Variants in VCPIP1 observed in about 807,000 individuals in gnomAD.
VCPIP1 encodes deubiquitinating protein VCPIP1.
Under a neutral mutation model 85.0 loss-of-function variants are expected in VCPIP1, and 8 were observed. That is an observed-to-expected ratio of 0.09 (90% CI 0.06 to 0.17). The LOEUF (loss-of-function observed/expected upper bound fraction) is 0.17. VCPIP1 is among the 10% of genes least tolerant of loss of function. VCPIP1 has a pLI of 1.00. For synonymous variants in VCPIP1, 543 were observed against 544.5 expected (o/e 1.00, Z 0.04); for missense variants, 1,070 against 1,486.3 (o/e 0.72, Z 4.61).
intron 2 of VCPIP1, among the ~76,000 whole-genome samples, chr8:66,635,732 T>C (rs1810878649): frequency 6.6e-6 from 1 of 150,656 alleles, no homozygotes; most frequent in Admixed American, 6.6e-5. Context: ...GCCAACGTGG[T>C]GAAACCCCAA....
Position 66,628,944 on chromosome 8 carries a change from TCA to T in VCPIP1, c.*5555_*5556del, listed in dbSNP as rs1810806732. On this transcript the variant is annotated 3_prime_UTR_variant, in exon 3 of 3. Coordinates refer to ENST00000310421, the MANE Select transcript of VCPIP1 (RefSeq NM_025054.5). ...AGAGCACACTGTCGGTTTGAGATTC[TCA>T]GTGTTGCACATGGTCATAAATGTTT... 6.6e-6 allele frequency: 1 copy of T among 152,228 alleles called. No individual in the cohort carries two copies. Among genetic ancestry groups the T allele is most frequent in the South Asian group, 2.1e-4 (1 of 4,834 alleles). 9.4% of individuals were successfully genotyped at this position (152,228 alleles called of 1,614,324 possible).
chr8:66,642,485 T>G (rs1810957089), intron 2 of VCPIP1, among the ~76,000 whole-genome samples: 1 of 152,222 alleles, frequency 6.6e-6, no homozygotes, highest in South Asian at 2.1e-4. Flanking sequence ...AGATTATGCC[T>G]AATCCAAGGT....
chr8:66,664,431 C>T lies in VCPIP1; in HGVS notation c.2528G>A (p.Gly843Asp). 1 of 1,613,696 alleles carries T rather than the reference C, an allele frequency of 6.2e-7. No homozygotes were observed. The highest frequency in any genetic ancestry group is 8.5e-7 in the Non-Finnish European group (1 of 1,179,628). Residue 843 changes from glycine (G) to aspartate (D), a missense_variant, in exon 1 of 3, where the codon GGC becomes GAC. Transcript: ENST00000310421. ...MEKEPVPLQH[G>D]DRITIEILKS... Reference sequence around the variant, plus strand: ...TAGAATTTCTATTGTAATTCTGTCGCCATGCTGTAAAGGAACTGGTTCCTT... The same window carrying T: ...TAGAATTTCTATTGTAATTCTGTCGTCATGCTGTAAAGGAACTGGTTCCTT...
At chr8:66,659,398 G>A (rs781005643) in intron 1 of VCPIP1, among the ~76,000 whole-genome samples, 14 of 152,078 alleles carry the variant, frequency 9.2e-5, no homozygotes, top group Non-Finnish European at 1.2e-4. Context: ...TTACTTTGTG[G>A]TCTGGATAAA....
rs554155790 is a variant in VCPIP1 at position 66,667,142 on chromosome 8, C to A, written c.-184G>T. ...GGACGTTGTTTCTCTTCTTACTTCT[C>A]CACTGCCGTAGCCGTTGCCCCGAAC... On this transcript the variant is annotated 5_prime_UTR_variant, in exon 1 of 3. Transcript: ENST00000310421. 1 of 1,321,544 alleles carries A rather than the reference C, an allele frequency of 7.6e-7. No homozygotes were observed. Among genetic ancestry groups the A allele is most frequent in the Admixed American group, 3.1e-5 (1 of 31,874 alleles). The allele number at this position is 1,321,544 out of a possible 1,614,324, so 81.9% of individuals were successfully genotyped here.
rs1586631107 is a variant in VCPIP1 at position 66,664,872 on chromosome 8, C to A, written c.2087G>T (p.Gly696Val). ...CTTGTGCAAAGTTTTTGTTTTCTGT[C>A]CAGTAAGAATAATTTTAGTTGGGAG... The part of the protein sequence containing the change: ...SQLPTKIILT[G>V]QKTKTLHKEE... Residue 696 changes from glycine (G) to valine (V), a missense_variant, in exon 1 of 3, where the codon GGA (glycine) becomes GTA (valine). Physicochemically the swap from Gly to Val is moderately radical, Grantham distance 109. Around this residue, in one of 8 missense-constraint regions of VCPIP1, gnomAD observed 278 missense variants for 298.5 expected, o/e 0.93. Transcript: ENST00000310421. The A allele has an allele frequency of 2.5e-6, 4 of 1,614,118 alleles. No individual in the cohort carries two copies. The highest frequency in any genetic ancestry group is 2.5e-6 in the Non-Finnish European group (3 of 1,180,028).
At chr8:66,641,514 T>G (rs1218485822) in intron 2 of VCPIP1, among the ~76,000 whole-genome samples, 1 of 152,174 alleles carries the variant, frequency 6.6e-6, no homozygotes, top group Non-Finnish European at 1.5e-5. Flanking sequence ...CATGAGCTAC[T>G]GTGCATAGCC....
chr8:66,663,635 C>T (rs1334623905), intron 1 of VCPIP1, among the ~76,000 whole-genome samples: 2 of 152,134 alleles, frequency 1.3e-5, no homozygotes, highest in African/African-American at 4.8e-5. Flanking sequence ...TTATGTTTCT[C>T]ATGAACTACA....
chr8:66,647,476 T>C (rs114043666), intron 2 of VCPIP1, among the ~76,000 whole-genome samples: 4,005 of 152,052 alleles, frequency 0.026, 185 homozygotes, highest in African/African-American at 0.09. Flanking sequence ...TCACACTGAT[T>C]TCAAGAATAA....
rs1811203439 is a variant in VCPIP1 at position 66,665,848 on chromosome 8, T to C, written c.1111A>G (p.Met371Val). ...IKGAALPKLPMNLLPKAWGVP... is the reference protein window; with the variant it reads ...IKGAALPKLPVNLLPKAWGVP... ...CCCCATGCTTTAGGAAGCAAATTCA[T>C]AGGCAGTTTGGGCAAAGCAGCCCCT... The change falls in exon 1 of 3, where the codon ATG becomes GTG. Residue 371 changes from methionine (M) to valine (V), a missense_variant. Transcript: ENST00000310421. This position sits in a 1 kb window ranked among gnomAD's most constrained non-coding sequence, Gnocchi z 4.3. 1 of 1,614,216 alleles carries C rather than the reference T, an allele frequency of 6.2e-7. No homozygotes were observed. The highest frequency in any genetic ancestry group is 1.1e-5 in the South Asian group (1 of 91,088).
Position 66,666,065 on chromosome 8 carries a change from C to T in VCPIP1, c.894G>A (p.Val298=), listed in dbSNP as rs750596485. The change falls in exon 1 of 3, where the codon GTG becomes GTA. Residue 298 remains valine, a synonymous_variant. Transcript: ENST00000310421. The surrounding 1 kb of genome is among the most constrained non-coding windows in gnomAD (Gnocchi z 6.3). ...RNIHIFGLAN[V]LHRPIILLDS... is the part of the protein sequence containing the mutation. ...CTAACAGAATAATAGGACGATGTAG[C>T]ACATTGGCAAGACCAAATATGTGGA... The T allele has an allele frequency of 6.2e-7, 1 of 1,614,142 alleles. No individual in the cohort carries two copies. Among genetic ancestry groups the T allele is most frequent in the Non-Finnish European group, 8.5e-7 (1 of 1,180,028 alleles).
rs1286455464 is a variant in VCPIP1 at position 66,666,718 on chromosome 8, G to T, written c.241C>A (p.Gln81Lys). 1 of 1,614,136 alleles carries T rather than the reference G, an allele frequency of 6.2e-7. No homozygotes were observed. The highest frequency in any genetic ancestry group is 8.5e-7 in the Non-Finnish European group (1 of 1,180,008). Residue 81 changes from glutamine (Q) to lysine (K), a missense_variant, in exon 1 of 3, where the codon CAG (glutamine) becomes AAG (lysine). Gln to Lys is a moderately conservative substitution (Grantham distance 53). Around this residue, in one of 8 missense-constraint regions of VCPIP1, gnomAD observed 164 missense variants for 158.6 expected, o/e 1.03. Transcript: ENST00000310421. The surrounding 1 kb of genome is among the most constrained non-coding windows in gnomAD (Gnocchi z 6.3). ...GTCACCTCCTCAACCCCCAGCAGCT[G>T]TTGCTGCTCGTGCCGCTGGCCGCAC... Reference protein sequence around the residue: ...TECGQRHEQQQLLGVEEVTDP... With the variant: ...TECGQRHEQQKLLGVEEVTDP...
Position 66,667,166 on chromosome 8 carries a change from A to G in VCPIP1, c.-208T>C, listed in dbSNP as rs1163732567. ...TCCACTGCCGTAGCCGTTGCCCCGA[A>G]CGTAACGGCCACCACCCCACCCCGC... On this transcript the variant is annotated 5_prime_UTR_variant, in exon 1 of 3. Coordinates refer to ENST00000310421, the MANE Select transcript of VCPIP1 (RefSeq NM_025054.5). The G allele has an allele frequency of 4.7e-5, 54 of 1,137,068 alleles. No homozygotes were observed. In the Middle Eastern group the frequency reaches 9.2e-4, roughly 19 times the overall value. The allele number at this position is 1,137,068 out of a possible 1,614,324, so 70.4% of individuals were successfully genotyped here.
chr8:66,662,747 T>C (rs897083769), intron 1 of VCPIP1, among the ~76,000 whole-genome samples: 2 of 151,274 alleles, frequency 1.3e-5, no homozygotes, highest in African/African-American at 4.9e-5. Context: ...CGTGGCGCGA[T>C]CTAGGCTCAC....
intron 1 of VCPIP1, among the ~76,000 whole-genome samples, chr8:66,661,690 C>T (rs1011110460): frequency 9.3e-5 from 14 of 150,658 alleles, no homozygotes; most frequent in African/African-American, 3.2e-4. Context: ...GAGCTGAGAT[C>T]GCGCCACTGC....
Position 66,667,196 on chromosome 8 carries a change from ACACT to A in VCPIP1, c.-242_-239del, listed in dbSNP as rs771355823. ...ACGGCCACCACCCCACCCCGCACTC[ACACT>A]CACTCACTCTCGCTCTCTCTCCCTC... is the stretch of plus-strand genomic sequence containing the variant. On this transcript the variant is annotated 5_prime_UTR_variant, in exon 1 of 3. Coordinates refer to ENST00000310421, the MANE Select transcript of VCPIP1 (RefSeq NM_025054.5). The A allele has an allele frequency of 5.5e-6, 4 of 732,104 alleles. No individual in the cohort carries two copies. Among genetic ancestry groups the A allele is most frequent in the Non-Finnish European group, 8.2e-6 (4 of 486,576 alleles). The allele number at this position is 732,104 out of a possible 1,614,324, so 45.4% of individuals were successfully genotyped here.
At position 66,665,662 on chromosome 8, in the gene VCPIP1, C is replaced by T; in HGVS notation, c.1297G>A (p.Ala433Thr). ...DKHGIHPSLV[A>T]DVHQYFYRRT... is the part of the protein sequence containing the mutation. ...CTGTAGAAATACTGATGGACATCAG[C>T]AACCAAACTAGGATGGATACCATGT... The change falls in exon 1 of 3, where the codon GCT becomes ACT. Residue 433 changes from alanine (A) to threonine (T), a missense_variant. Coordinates refer to ENST00000310421, the MANE Select transcript of VCPIP1 (RefSeq NM_025054.5). The surrounding 1 kb of genome is among the most constrained non-coding windows in gnomAD (Gnocchi z 4.3). 6.2e-7 allele frequency: 1 copy of T among 1,614,172 alleles called. No individual in the cohort carries two copies. The highest frequency in any genetic ancestry group is 8.5e-7 in the Non-Finnish European group (1 of 1,180,014).
intron 2 of VCPIP1, among the ~76,000 whole-genome samples, chr8:66,648,526 A>AATCTATCTATCT (rs60409796): frequency 4.2e-4 from 61 of 144,662 alleles, no homozygotes; most frequent in Admixed American, 9.1e-4. Flanking sequence ...CTATGTATCT[A>AATCTATCTATCT]ATCTATCTAT....
At chr8:66,654,674 C>T (rs1315370695) in intron 1 of VCPIP1, among the ~76,000 whole-genome samples, 2 of 152,208 alleles carry the variant, frequency 1.3e-5, no homozygotes, top group Non-Finnish European at 2.9e-5. Flanking sequence ...GGTTTTGACA[C>T]TTTGCACAAG....
Sources: gnomAD v4.1 joint callset for allele counts (sites outside exome capture counted in the v4.1 genomes callset) on GRCh38, gnomAD v4.1.1 for gene constraint, gnomAD v4.1.1 regional missense constraint, Gnocchi (gnomAD v3.1) non-coding constraint, MANE v1.5 for transcripts, NCBI Gene and HGNC (gene_info 2026-07-23, HGNC 2026-07-21) for gene names.